Variants in MAPK8IP3 observed in about 807,000 individuals in gnomAD.
The protein encoded by MAPK8IP3 is C-Jun-amino-terminal kinase-interacting protein 3.
Under a neutral mutation model 157.8 loss-of-function variants are expected in MAPK8IP3, and 49 were observed. The ratio of observed to expected loss-of-function variants is 0.31; its 90% CI spans 0.25 to 0.39. The LOEUF (loss-of-function observed/expected upper bound fraction) is 0.39, where lower values mean the gene tolerates loss of function less well. Ranked by LOEUF, MAPK8IP3 falls within the 10% of genes least tolerant of loss-of-function variation. The probability of loss-of-function intolerance (pLI) is 1.00; values close to 1 mark genes in which losing one functional copy is unlikely to be tolerated. For synonymous variants in MAPK8IP3, 897 were observed against 777.7 expected (o/e 1.15, Z -2.55); for missense variants, 1,478 against 1,889.4 (o/e 0.78, Z 4.04).
At chr16:1,709,382 G>A (rs982419374) in intron 1 of MAPK8IP3, among the ~76,000 whole-genome samples, 3 of 152,172 alleles carry the variant, frequency 2.0e-5, no homozygotes, top group Non-Finnish European at 2.9e-5. Context: ...TCTTCCCCTC[G>A]CTGGGCTGCA....
chr16:1,737,580 GTCCGTGAGCA>G (rs2040087508), intron 4 of MAPK8IP3, among the ~76,000 whole-genome samples: 6 of 101,304 alleles, frequency 5.9e-5, no homozygotes, highest in Admixed American at 9.9e-5. Flanking sequence ...CTGTGTGACC[GTCCGTGAGCA>G]TCCGTGTGAG....
intron 6 of MAPK8IP3, 116 bp downstream of exon 6, chr16:1,747,391 C>A: frequency 7.1e-7 from 1 of 1,417,644 alleles, no homozygotes; most frequent in Non-Finnish European, 9.5e-7. Context: ...ACGTGTTCCT[C>A]ACAGCCCGGA....
intron 9 of MAPK8IP3, 32 bp from the exon 10 acceptor site, chr16:1,758,946 C>G: frequency 6.2e-7 from 1 of 1,613,964 alleles, no homozygotes. Flanking sequence ...CCCTGGTTGC[C>G]CATCTCCTGT....
chr16:1,758,414 C>T (rs969437853), intron 9 of MAPK8IP3, among the ~76,000 whole-genome samples: 4 of 152,208 alleles, frequency 2.6e-5, no homozygotes, highest in Admixed American at 6.5e-5. Flanking sequence ...GAAGGCCCTG[C>T]GGAGCCCTAA....
At chr16:1,722,899 C>T (rs1031696817) in intron 1 of MAPK8IP3, among the ~76,000 whole-genome samples, 11 of 151,808 alleles carry the variant, frequency 7.2e-5, no homozygotes, top group South Asian at 2.1e-4. Context: ...GATGGGGTTT[C>T]GCCGTGTTAG....
chr16:1,741,691 C>G lies in MAPK8IP3; in HGVS notation c.603-1641C>G, dbSNP rs1048792366. On this transcript the variant is annotated intron_variant, in intron 4 of 31. Transcript: ENST00000610761. The surrounding 1 kb of genome is among the most constrained non-coding windows in gnomAD (Gnocchi z 6.9). ...CCCAGCCTCCCACTGGGGTCATGCT[C>G]CCTGGGCCTGGTGGCTGGCTGCCTT... is the stretch of plus-strand genomic sequence containing the variant. Among the ~76,000 whole-genome samples the G allele has an allele frequency of 3.3e-5, 5 of 152,076 alleles. No individual in the cohort carries two copies. Among genetic ancestry groups the G allele is most frequent in the African/African-American group, 1.2e-4 (5 of 41,394 alleles).
chr16:1,764,102 C>T lies in MAPK8IP3; in HGVS notation c.2026-13C>T. On this transcript the variant is annotated splice_polypyrimidine_tract_variant and intron_variant, in intron 17 of 31. Coordinates refer to ENST00000610761, the MANE Select transcript of MAPK8IP3 (RefSeq NM_001318852.2). Reference sequence around the variant, plus strand: ...CAGGGTTCGTGCCCACGGCGCCTCCCTGCTCCCTGCAGCTGAGTCCCAACG... The same window carrying T: ...CAGGGTTCGTGCCCACGGCGCCTCCTTGCTCCCTGCAGCTGAGTCCCAACG... 6.3e-7 allele frequency: 1 copy of T among 1,599,562 alleles called. No individual in the cohort carries two copies. Among genetic ancestry groups the T allele is most frequent in the South Asian group, 1.1e-5 (1 of 90,010 alleles).
intron 3 of MAPK8IP3, 27 bp downstream of exon 3, chr16:1,729,235 A>G (rs538556782): frequency 4.1e-5 from 66 of 1,613,102 alleles, no homozygotes; most frequent in Admixed American, 1.2e-4. Context: ...AAGCGCGGAG[A>G]CGAGGGTTGG....
At chr16:1,737,004 C>G (rs1372120073) in intron 4 of MAPK8IP3, among the ~76,000 whole-genome samples, 49 of 45,138 alleles carry the variant, frequency 1.1e-3, no homozygotes, top group East Asian at 1.7e-3. Flanking sequence ...GAGCGTGTGA[C>G]CGTCCGTGTG....
chr16:1,708,271 GGCAGCT>G (rs2037528750), intron 1 of MAPK8IP3, among the ~76,000 whole-genome samples: 1 of 152,208 alleles, frequency 6.6e-6, no homozygotes, highest in African/African-American at 2.4e-5. Flanking sequence ...TTCCATGTCA[GGCAGCT>G]GCAGGCACCG....
intron 15 of MAPK8IP3, 43 bp downstream of exon 15, chr16:1,762,774 G>A (rs777175867): frequency 6.3e-7 from 1 of 1,591,050 alleles, no homozygotes; most frequent in Admixed American, 1.7e-5. Flanking sequence ...CAGCTGCAGG[G>A]GAAGGGGCAG....
Position 1,729,582 on chromosome 16 carries a change from C to A in MAPK8IP3, c.602+4C>A, listed in dbSNP as rs750062335. ...AGAGCAGCCTGCCGGGGCGGAGGTA[C>A]GCGGGGCGCGGCGGGGTGGAGGTAC... On this transcript the variant is annotated splice_donor_region_variant and intron_variant, in intron 4 of 31. Coordinates refer to ENST00000610761, the MANE Select transcript of MAPK8IP3 (RefSeq NM_001318852.2). The A allele has an allele frequency of 2.5e-6, 4 of 1,587,068 alleles. No individual in the cohort carries two copies. The Admixed American group carries it at 7.1e-5, about 28-fold the overall frequency.
At chr16:1,767,440 C>T (rs1352094124) in intron 26 of MAPK8IP3, 124 bp from the exon 27 acceptor site, 4 of 1,502,062 alleles carry the variant, frequency 2.7e-6, no homozygotes, top group Admixed American at 1.8e-5. Context: ...CGAACAGGCG[C>T]AAAGCAGGCG....
chr16:1,736,758 CCG>C (rs2039907509), intron 4 of MAPK8IP3, among the ~76,000 whole-genome samples: 1 of 54,028 alleles, frequency 1.9e-5, no homozygotes, highest in African/African-American at 8.8e-5. Flanking sequence ...ATGTGAGCAT[CCG>C]TGTGACCGTC....
intron 30 of MAPK8IP3, 49 bp from the exon 31 acceptor site, chr16:1,768,428 G>A (rs762560802): frequency 2.7e-5 from 43 of 1,595,512 alleles, no homozygotes; most frequent in East Asian, 4.5e-5. Context: ...GCCAGTGGCC[G>A]CCGCCTCCCC....
intron 8 of MAPK8IP3, among the ~76,000 whole-genome samples, 176 bp from the exon 9 acceptor site, chr16:1,757,972 C>T (rs950391778): frequency 2.0e-5 from 3 of 152,258 alleles, no homozygotes; most frequent in Non-Finnish European, 4.4e-5. Flanking sequence ...TCTGCCTGGG[C>T]ACACGGGGCA....
intron 13 of MAPK8IP3, 141 bp from the exon 14 acceptor site, chr16:1,762,210 A>G: frequency 1.8e-6 from 2 of 1,136,714 alleles, no homozygotes; most frequent in Non-Finnish European, 2.4e-6. Context: ...GCTTGCCGAC[A>G]CCCCTCCACA....
intron 8 of MAPK8IP3, chr16:1,752,509 A>G: frequency 5.5e-6 from 2 of 361,224 alleles, no homozygotes; most frequent in Admixed American, 3.3e-5. Flanking sequence ...TTGGGAGGCC[A>G]GGGCAGGAGG....
intron 4 of MAPK8IP3, among the ~76,000 whole-genome samples, chr16:1,733,599 G>C (rs567179282): frequency 6.6e-6 from 1 of 152,238 alleles, no homozygotes; most frequent in Non-Finnish European, 1.5e-5. Context: ...CGGGACCCAG[G>C]GACCTGAGCT....
Sources: gnomAD v4.1 joint callset for allele counts (sites outside exome capture counted in the v4.1 genomes callset) on GRCh38, gnomAD v4.1.1 for gene constraint, Gnocchi (gnomAD v3.1) non-coding constraint, MANE v1.5 for transcripts, NCBI Gene and HGNC (gene_info 2026-07-23, HGNC 2026-07-21) for gene names.